ABCD3: variants seen among roughly 807,000 people sequenced by gnomAD.
The protein encoded by ABCD3 is ATP-binding cassette sub-family D member 3.
Under a neutral mutation model 105.5 loss-of-function variants are expected in ABCD3, and 41 were observed. The observed-to-expected ratio is 0.39, with a 90% CI of 0.30 to 0.50. ABCD3 has a LOEUF of 0.50. Among genes scored for constraint, ABCD3 ranks in the 20% least tolerant of loss-of-function variants. ABCD3 has a pLI of 0.84. For synonymous variants in ABCD3, 258 were observed against 269.0 expected (o/e 0.96, Z 0.40); for missense variants, 622 against 806.3 (o/e 0.77, Z 2.77).
chr1:94,464,171 T>C (rs1648021763), intron 2 of ABCD3, among the ~76,000 whole-genome samples: 1 of 152,208 alleles, frequency 6.6e-6, no homozygotes, highest in Non-Finnish European at 1.5e-5. Flanking sequence ...CCCGCTAGAA[T>C]GTGAGCTGCA....
At chr1:94,478,646 T>C (rs1648884329) in intron 8 of ABCD3, 5 of 1,014,970 alleles carry the variant, frequency 4.9e-6, no homozygotes, top group Admixed American at 5.6e-5. Context: ...AATCCAGGAG[T>C]TCGAGACAAG....
At chr1:94,458,496 A>T in intron 1 of ABCD3, 111 bp from the exon 2 acceptor site, 1 of 982,364 alleles carries the variant, frequency 1.0e-6, no homozygotes, top group Non-Finnish European at 1.6e-6. Flanking sequence ...TATGATGTGA[A>T]AAAGAAGAAA....
At chr1:94,406,436 T>G in the ABCD3 span, 5 of 379,932 alleles carry the variant, frequency 1.3e-5, no homozygotes, top group South Asian at 2.5e-5. Flanking sequence ...GCAGCTCAGG[T>G]TCCTTTCCAG....
chr1:94,422,425 T>C (rs1423088787), intron 1 of ABCD3, among the ~76,000 whole-genome samples: 3 of 152,166 alleles, frequency 2.0e-5, no homozygotes, highest in Non-Finnish European at 4.4e-5. Context: ...CCTGAAACCA[T>C]CCCCCAACTC....
At chr1:94,442,821 G>A (rs772816981) in intron 1 of ABCD3, among the ~76,000 whole-genome samples, 2 of 152,168 alleles carry the variant, frequency 1.3e-5, no homozygotes, top group Non-Finnish European at 2.9e-5. Flanking sequence ...TGGCTGAGTA[G>A]TATTCCATGG....
intron 1 of ABCD3, among the ~76,000 whole-genome samples, chr1:94,440,681 T>C (rs1337144029): frequency 1.3e-5 from 2 of 152,174 alleles, no homozygotes; most frequent in Non-Finnish European, 2.9e-5. Flanking sequence ...TCTGCTACCT[T>C]TCGGGTTTTG....
At chr1:94,488,059 A>T in intron 13 of ABCD3, 76 bp downstream of exon 13, 1 of 1,242,238 alleles carries the variant, frequency 8.0e-7, no homozygotes, top group Non-Finnish European at 1.2e-6. Context: ...GTATCAGTTG[A>T]GATTAAGATA....
At chr1:94,433,173 A>T (rs1448126343) in intron 1 of ABCD3, among the ~76,000 whole-genome samples, 5 of 124,162 alleles carry the variant, frequency 4.0e-5, no homozygotes, top group Non-Finnish European at 6.6e-5. Context: ...TTTTTTTTCC[A>T]GACATAGTTT....
At chr1:94,458,384 C>T (rs1416978376) in intron 1 of ABCD3, among the ~76,000 whole-genome samples, 9 of 152,156 alleles carry the variant, frequency 5.9e-5, no homozygotes, top group Admixed American at 5.9e-4. Context: ...AACAGAATGT[C>T]TGTTACATAA....
At chr1:94,514,190 T>A (rs1650818599) in intron 21 of ABCD3, 2 of 152,080 alleles carry the variant, frequency 1.3e-5, no homozygotes, top group African/African-American at 4.8e-5. Context: ...GTGGGGTTTC[T>A]CAGTCCTGGC....
chr1:94,398,684 C>A, the ABCD3 span, among the ~76,000 whole-genome samples: 1 of 152,094 alleles, frequency 6.6e-6, no homozygotes, highest in South Asian at 2.1e-4. Flanking sequence ...GAGGCCAAGG[C>A]GGGCAAATCA....
rs1282672651 is a variant in ABCD3, at chr1:94,475,508, T to C, written c.504-106T>C. The C allele has an allele frequency of 1.9e-5, 24 of 1,245,526 alleles. No homozygotes were observed. The Admixed American group carries it at 4.3e-4, about 22-fold the overall frequency. 77.2% of individuals were successfully genotyped at this position (1,245,526 alleles called of 1,614,324 possible). ...TAGGATCTCTTCTGGCTCCAAACTT[T>C]TTTGTTTCTATGTATTTGAGCTAGG... On this transcript the variant is annotated intron_variant, in intron 6 of 22. Transcript: ENST00000370214.
chr1:94,513,568 C>T (rs532615807), intron 21 of ABCD3: 12 of 152,002 alleles, frequency 7.9e-5, no homozygotes, highest in Non-Finnish European at 1.8e-4. Context: ...ACAGACAAAA[C>T]TTAAATACAG....
chr1:94,489,860 TG>T (rs1649448214), intron 14 of ABCD3, 42 bp from the exon 15 acceptor site: 2 of 1,611,862 alleles, frequency 1.2e-6, no homozygotes, highest in Non-Finnish European at 8.5e-7. Flanking sequence ...TTTAAGTGTT[TG>T]CTGACATAAT....
chr1:94,496,923 G>A (rs967724052), intron 16 of ABCD3, among the ~76,000 whole-genome samples: 6 of 151,408 alleles, frequency 4.0e-5, no homozygotes, highest in Admixed American at 3.9e-4. Context: ...GCCCGCCACT[G>A]CATCCAGCTA....
chr1:94,413,858 A>G (rs1333662873), upstream of ABCD3, among the ~76,000 whole-genome samples: 1 of 152,242 alleles, frequency 6.6e-6, no homozygotes, highest in Admixed American at 6.5e-5. Context: ...AAACAGTAGT[A>G]GTACAAAGAA....
At chr1:94,400,616 C>T in the ABCD3 span, among the ~76,000 whole-genome samples, 3 of 152,092 alleles carry the variant, frequency 2.0e-5, no homozygotes, top group Admixed American at 6.6e-5. Context: ...GGTGGAGCTG[C>T]CACAGGATCA....
upstream of ABCD3, among the ~76,000 whole-genome samples, chr1:94,414,080 G>A (rs374062425): frequency 2.7e-4 from 41 of 152,104 alleles, no homozygotes; most frequent in Admixed American, 2.6e-3. Context: ...CCTGGGGTAG[G>A]GGTAGAATAT....
the ABCD3 span, among the ~76,000 whole-genome samples, chr1:94,403,200 G>A: frequency 6.6e-6 from 1 of 151,880 alleles, no homozygotes. Flanking sequence ...CTCGTCTTAG[G>A]TTGTTCTGAT....
Sources: allele counts gnomAD v4.1 joint callset (sites outside exome capture counted in the v4.1 genomes callset), GRCh38; gene constraint gnomAD v4.1.1; transcripts MANE v1.5; gene names NCBI Gene and HGNC (gene_info 2026-07-23, HGNC 2026-07-21).